NSUN2: variants seen among roughly 807,000 people sequenced by gnomAD.
The protein encoded by NSUN2 is NOP2/Sun RNA methyltransferase 2.
A neutral mutation model predicts 92.7 loss-of-function variants in NSUN2; 63 were observed. That is an observed-to-expected ratio of 0.68 (90% CI 0.56 to 0.84). The LOEUF (loss-of-function observed/expected upper bound fraction) is 0.84, where lower values mean the gene tolerates loss of function less well. Among genes scored for constraint, NSUN2 ranks in the 40% least tolerant of loss-of-function variants. The pLI, the probability that NSUN2 is intolerant of heterozygous loss-of-function variation, is 0.00. For synonymous variants in NSUN2, 356 were observed against 348.3 expected, an observed-to-expected ratio of 1.02 and a Z score of -0.25; for missense variants, 989 against 964.9, an observed-to-expected ratio of 1.02 and a Z score of -0.33.
In NSUN2 at chr5:6,600,159, G is replaced by A. The variant is rs1314543902; in HGVS notation, c.2071C>T (p.Pro691Ser). 2 of 1,614,056 alleles carry A rather than the reference G, an allele frequency of 1.2e-6. No individual in the cohort carries two copies. The highest frequency in any genetic ancestry group is 1.7e-5 in the Admixed American group (1 of 60,012). ...AGATAATGAAGCCGTTCATTCTTGGGCACAAAAGTTCGAATGGAGGCCTTT... is the reference window on the plus strand; with the variant it reads ...AGATAATGAAGCCGTTCATTCTTGGACACAAAAGTTCGAATGGAGGCCTTT... Reference protein sequence around the residue: ...RGKASIRTFVPKNERLHYLRM... With the variant: ...RGKASIRTFVSKNERLHYLRM... The change falls in exon 19 of 19, where the codon CCC (proline) becomes TCC (serine). Residue 691 changes from proline to serine, a missense_variant. Physicochemically the swap from Pro to Ser is moderately conservative, Grantham distance 74. Around this residue, in one of 3 missense-constraint regions of NSUN2, gnomAD observed 626 missense variants for 602.3 expected, o/e 1.04. Coordinates refer to ENST00000264670, the MANE Select transcript of NSUN2 (RefSeq NM_017755.6).
chr5:6,611,798 C>A lies in NSUN2; in HGVS notation c.1022G>T (p.Gly341Val). The A allele has an allele frequency of 6.2e-7, 1 of 1,614,082 alleles. No homozygotes were observed. Among genetic ancestry groups the A allele is most frequent in the Non-Finnish European group, 8.5e-7 (1 of 1,179,968 alleles). Residue 341 changes from glycine (G) to valine (V), a missense_variant and splice_region_variant, in exon 10 of 19, where the codon GGT becomes GTT. By Grantham distance (109) the Gly-to-Val change is moderately radical. Transcript: ENST00000264670. ...AGACACATCAGCAAGCTCCAAAGCACCTGTGCAGCAAAAGCATGGACGTCT... is the reference window on the plus strand; with the variant it reads ...AGACACATCAGCAAGCTCCAAAGCAACTGTGCAGCAAAAGCATGGACGTCT... ...VIASLLEKSEGALELADVSNE... is the reference protein window; with the variant it reads ...VIASLLEKSEVALELADVSNE...
intron 5 of NSUN2, 52 bp downstream of exon 5, chr5:6,623,162 T>A: frequency 6.7e-7 from 1 of 1,499,600 alleles, no homozygotes; most frequent in Non-Finnish European, 9.0e-7. Flanking sequence ...CAAACAGGCA[T>A]GACACTGGTA....
At chr5:6,600,328 G>A in intron 18 of NSUN2, 96 bp from the exon 19 acceptor site, 1 of 1,161,844 alleles carries the variant, frequency 8.6e-7, no homozygotes. Context: ...GAAAACCACA[G>A]AAAACCCATA....
intron 11 of NSUN2, 107 bp downstream of exon 11, chr5:6,610,848 G>A: frequency 7.4e-7 from 1 of 1,354,944 alleles, no homozygotes; most frequent in Non-Finnish European, 1.0e-6. Flanking sequence ...AAGCCTCACA[G>A]CAATGTCACC....
rs1047333788 is a variant in NSUN2, at chr5:6,620,198, A to G, written c.723T>C (p.His241=). The G allele has an allele frequency of 5.6e-6, 9 of 1,613,462 alleles. No homozygotes were observed. The highest frequency in any genetic ancestry group is 2.2e-5 in the East Asian group (1 of 44,842). Residue 241 remains histidine, a synonymous_variant, in exon 7 of 19, where the codon CAT becomes CAC. Transcript: ENST00000264670. The stretch of plus-strand genomic sequence containing the variant: ...GGAGCCTGGGTATGCTGGAGGCATC[A>G]TGGTTGACCACCATGATGCAGGGGC... The part of the protein sequence containing the change: ...LSSPCIMVVN[H]DASSIPRLQI...
At chr5:6,607,010 TGGAAC>T (rs1382342359) in intron 13 of NSUN2, 98 bp from the exon 14 acceptor site, 2 of 892,260 alleles carry the variant, frequency 2.2e-6, no homozygotes, top group African/African-American at 5.0e-5. Flanking sequence ...CTGTGCAACA[TGGAAC>T]GGTTTGCGGC....
intron 6 of NSUN2, chr5:6,621,358 A>AATC (rs1452633601): frequency 2.0e-5 from 3 of 152,092 alleles, no homozygotes; most frequent in South Asian, 4.1e-4. Context: ...TAATAATAAT[A>AATC]ATAGTAATAA....
chr5:6,607,371 G>T lies in NSUN2; in HGVS notation c.1337C>A (p.Ser446Tyr). The T allele has an allele frequency of 6.2e-7, 1 of 1,612,656 alleles. No homozygotes were observed. The highest frequency in any genetic ancestry group is 8.5e-7 in the Non-Finnish European group (1 of 1,179,038). Reference protein sequence around the residue: ...NKRQPKLQGKSAETRESTQLS... With the variant: ...NKRQPKLQGKYAETRESTQLS... The stretch of plus-strand genomic sequence containing the variant: ...CTGTGTGCTTTCTCTGGTCTCTGCA[G>T]ATTTACCCTGAAGCTGTCATAAAGA... Residue 446 changes from serine to tyrosine, a missense_variant, in exon 13 of 19, where the codon TCT becomes TAT. By Grantham distance (144) the Ser-to-Tyr change is moderately radical. This residue lies in a region of NSUN2 where 626 missense variants were observed against 602.3 expected (regional missense o/e 1.04). Coordinates refer to ENST00000264670, the MANE Select transcript of NSUN2 (RefSeq NM_017755.6).
In NSUN2 at chr5:6,618,030, A is replaced by G; in HGVS notation, c.816-6T>C. 1 of 1,611,344 alleles carries G rather than the reference A, an allele frequency of 6.2e-7. No individual in the cohort carries two copies. Among genetic ancestry groups the G allele is most frequent in the Non-Finnish European group, 8.5e-7 (1 of 1,177,732 alleles). On this transcript the variant is annotated splice_polypyrimidine_tract_variant and splice_region_variant and intron_variant, in intron 7 of 18. Transcript: ENST00000264670. The stretch of plus-strand genomic sequence containing the variant: ...TTCTCATAGTGCCGTCTCCACTGGA[A>G]AAAAGATATTTATGAGTGCAAAGCT...
At chr5:6,623,344 T>A in intron 4 of NSUN2, 59 bp from the exon 5 acceptor site, 2 of 1,430,742 alleles carry the variant, frequency 1.4e-6, no homozygotes, top group South Asian at 2.5e-5. Context: ...CGCAGACAAT[T>A]TCAATCTTTG....
At chr5:6,611,701 T>C in intron 10 of NSUN2, 24 bp downstream of exon 10, 5 of 1,610,024 alleles carry the variant, frequency 3.1e-6, no homozygotes, top group South Asian at 2.2e-5. Context: ...CTCTTTAGAA[T>C]GAAAGTTCTC....
chr5:6,630,553 G>A (rs1256637625), intron 3 of NSUN2, among the ~76,000 whole-genome samples: 1 of 152,126 alleles, frequency 6.6e-6, no homozygotes, highest in Non-Finnish European at 1.5e-5. Flanking sequence ...TTCCATGATG[G>A]TGATATTCGG....
chr5:6,606,746 A>T (rs1736790652), intron 14 of NSUN2, 74 bp downstream of exon 14: 1 of 818,244 alleles, frequency 1.2e-6, no homozygotes, highest in Non-Finnish European at 2.0e-6. Context: ...CAATGGTTAC[A>T]TGTGATCAGT....
chr5:6,629,640 A>G (rs1737792034), intron 3 of NSUN2, among the ~76,000 whole-genome samples: 1 of 152,196 alleles, frequency 6.6e-6, no homozygotes, highest in Admixed American at 6.5e-5. Flanking sequence ...GAGAATCGTA[A>G]TCCTGTCTTC....
intron 18 of NSUN2, among the ~76,000 whole-genome samples, chr5:6,601,326 C>A (rs1365809781): frequency 7.0e-6 from 1 of 142,922 alleles, no homozygotes; most frequent in Admixed American, 7.1e-5. Flanking sequence ...ATTTCTGAGT[C>A]TTTGTTCAAA....
chr5:6,632,513 G>T, intron 2 of NSUN2, 86 bp downstream of exon 2: 2 of 1,491,972 alleles, frequency 1.3e-6, no homozygotes, highest in Non-Finnish European at 9.2e-7. Context: ...CTCTGGCACT[G>T]TAACACTTGT....
intron 3 of NSUN2, among the ~76,000 whole-genome samples, chr5:6,627,137 C>T (rs1370323338): frequency 6.6e-6 from 1 of 152,086 alleles, no homozygotes; most frequent in Admixed American, 6.5e-5. Flanking sequence ...GTTCCCTCCT[C>T]GACATTTAAT....
At chr5:6,629,807 G>T (rs576267361) in intron 3 of NSUN2, among the ~76,000 whole-genome samples, 95 of 152,236 alleles carry the variant, frequency 6.2e-4, no homozygotes, top group Non-Finnish European at 1.2e-3. Flanking sequence ...TCGTTCTCAG[G>T]GGGAGATCTG....
intron 7 of NSUN2, among the ~76,000 whole-genome samples, chr5:6,618,703 T>C (rs1036205472): frequency 1.3e-5 from 2 of 152,220 alleles, no homozygotes; most frequent in Admixed American, 6.5e-5. Flanking sequence ...AATTTCTGAC[T>C]TTCTACTTTT....
Sources: gnomAD v4.1 joint callset for allele counts (sites outside exome capture counted in the v4.1 genomes callset) on GRCh38, gnomAD v4.1.1 for gene constraint, gnomAD v4.1.1 regional missense constraint, MANE v1.5 for transcripts, NCBI Gene and HGNC (gene_info 2026-07-23, HGNC 2026-07-21) for gene names.